Variants in TAF3 observed in about 807,000 individuals in gnomAD.
TAF3 encodes TATA-box binding protein associated factor 3.
Under a neutral mutation model 80.6 loss-of-function variants are expected in TAF3, and 7 were observed. That is an observed-to-expected ratio of 0.09 (90% confidence interval 0.05 to 0.16). The LOEUF is 0.16. Ranked by LOEUF, TAF3 falls within the 10% of genes least tolerant of loss-of-function variation. TAF3 has a pLI of 1.00. For missense variants in TAF3, 921 were observed against 1,140.2 expected (o/e 0.81, Z 2.77); for synonymous variants, 444 against 446.1 (o/e 1.00, Z 0.06).
intron 6 of TAF3, among the ~76,000 whole-genome samples, chr10:8,014,098 A>T (rs1279770923): frequency 6.8e-6 from 1 of 147,964 alleles, no homozygotes; most frequent in East Asian, 1.9e-4. Flanking sequence ...TAATACTAAA[A>T]GGAGATCCAG....
intron 2 of TAF3, among the ~76,000 whole-genome samples, chr10:7,902,817 A>G (rs1377986015): frequency 2.0e-5 from 3 of 152,014 alleles, no homozygotes; most frequent in Non-Finnish European, 2.9e-5. Context: ...TTGATTTTCT[A>G]TCACTTCTGT....
chr10:7,987,249 G>A (rs377193818), intron 4 of TAF3, among the ~76,000 whole-genome samples: 21 of 152,086 alleles, frequency 1.4e-4, no homozygotes, highest in Non-Finnish European at 2.5e-4. Context: ...CTGGGAAATC[G>A]AGGCTACAGT....
intron 2 of TAF3, among the ~76,000 whole-genome samples, chr10:7,930,163 C>T (rs112239493): frequency 0.011 from 1,675 of 152,224 alleles, 20 homozygotes; most frequent in Middle Eastern, 0.031. Flanking sequence ...TGTGGTACTG[C>T]GCTCCAACCT....
chr10:7,996,870 T>G (rs1311598331), intron 4 of TAF3, among the ~76,000 whole-genome samples: 2 of 150,362 alleles, frequency 1.3e-5, no homozygotes, highest in Non-Finnish European at 3.0e-5. Context: ...TATTTTTGTA[T>G]TTTTGTAGAG....
chr10:7,866,799 C>T (rs1251367815), intron 2 of TAF3, among the ~76,000 whole-genome samples: 1 of 152,134 alleles, frequency 6.6e-6, no homozygotes, highest in East Asian at 1.9e-4. Context: ...TTGGACGCAT[C>T]AGGTTAAATA....
At chr10:7,937,632 T>C (rs1249676399) in intron 2 of TAF3, among the ~76,000 whole-genome samples, 2 of 152,242 alleles carry the variant, frequency 1.3e-5, no homozygotes, top group Admixed American at 6.5e-5. Context: ...TCTCATAGTC[T>C]GTGGCTTGTC....
intron 2 of TAF3, among the ~76,000 whole-genome samples, chr10:7,865,131 G>C (rs1264031296): frequency 6.6e-6 from 1 of 152,052 alleles, no homozygotes; most frequent in East Asian, 1.9e-4. Flanking sequence ...GTGGGGCCTG[G>C]GGGTCAGGAG....
At chr10:7,858,827 T>TGC (rs1554777937) in intron 2 of TAF3, among the ~76,000 whole-genome samples, 5 of 149,328 alleles carry the variant, frequency 3.3e-5, no homozygotes, top group East Asian at 2.0e-4. Context: ...TGTGTGTGTG[T>TGC]GCGCGCGCCT....
intron 2 of TAF3, among the ~76,000 whole-genome samples, chr10:7,939,635 C>T (rs2131204862): frequency 6.6e-6 from 1 of 150,680 alleles, no homozygotes; most frequent in Non-Finnish European, 1.5e-5. Flanking sequence ...TACCTACACC[C>T]CTTCCAAGAG....
intron 2 of TAF3, among the ~76,000 whole-genome samples, chr10:7,961,410 T>C (rs1300933960): frequency 6.6e-6 from 1 of 152,226 alleles, no homozygotes; most frequent in Non-Finnish European, 1.5e-5. Flanking sequence ...TTTTGCAGCA[T>C]GGCTTCTGCT....
chr10:7,985,780 CTTTTTTTT>C (rs71477297), intron 4 of TAF3, among the ~76,000 whole-genome samples: 3 of 107,952 alleles, frequency 2.8e-5, no homozygotes, highest in Non-Finnish European at 5.7e-5. Context: ...TTCTCTCTCT[CTTTTTTTT>C]TTTTTTTTTT....
rs1200122845 is a variant in TAF3 at position 8,016,122 on chromosome 10, T to C, written c.*1371T>C. 2 of 152,212 alleles carry C rather than the reference T, an allele frequency of 1.3e-5. No homozygotes were observed. Among genetic ancestry groups the C allele is most frequent in the African/African-American group, 4.8e-5 (2 of 41,452 alleles). 9.4% of individuals were successfully genotyped at this position (152,212 alleles called of 1,614,324 possible). ...ATGTTAAAAAAACATCAAATTTAAC[T>C]TTATTAGCATATTTTAGCAACTTTG... is the stretch of plus-strand genomic sequence containing the variant. On this transcript the variant is annotated 3_prime_UTR_variant, in exon 7 of 7. Coordinates refer to ENST00000344293, the MANE Select transcript of TAF3 (RefSeq NM_031923.4).
chr10:7,960,218 C>A (rs753687745), intron 2 of TAF3, among the ~76,000 whole-genome samples: 21 of 152,184 alleles, frequency 1.4e-4, no homozygotes, highest in Non-Finnish European at 2.8e-4. Context: ...TCAGAATACC[C>A]TAAAGCTGTC....
At chr10:7,975,434 G>A (rs1242498436) in intron 3 of TAF3, among the ~76,000 whole-genome samples, 2 of 152,174 alleles carry the variant, frequency 1.3e-5, no homozygotes, top group East Asian at 1.9e-4. Context: ...TAAGCAAAAC[G>A]CGCATGGTCC....
chr10:7,830,446 C>T (rs1284297995), intron 2 of TAF3, among the ~76,000 whole-genome samples: 1 of 146,948 alleles, frequency 6.8e-6, no homozygotes, highest in South Asian at 2.2e-4. Context: ...GTTCTTCACA[C>T]ATGCACACCT....
At chr10:7,880,786 G>A (rs1837354333) in intron 2 of TAF3, among the ~76,000 whole-genome samples, 1 of 152,026 alleles carries the variant, frequency 6.6e-6, no homozygotes, top group African/African-American at 2.4e-5. Context: ...CATTTACATT[G>A]TAATTTGGCA....
intron 4 of TAF3, among the ~76,000 whole-genome samples, chr10:7,986,801 A>G (rs1337001737): frequency 6.6e-6 from 1 of 152,086 alleles, no homozygotes; most frequent in African/African-American, 2.4e-5. Context: ...GCTAAGAAAC[A>G]GGGGAAAAAA....
chr10:7,889,998 A>C (rs916590368), intron 2 of TAF3, among the ~76,000 whole-genome samples: 1 of 152,244 alleles, frequency 6.6e-6, no homozygotes, highest in Non-Finnish European at 1.5e-5. Flanking sequence ...GTTCTGAAAC[A>C]GAAATCTATT....
At chr10:8,007,563 T>TAC (rs1832007263) in intron 4 of TAF3, among the ~76,000 whole-genome samples, 1 of 792 alleles carries the variant, frequency 1.3e-3, no homozygotes, top group African/African-American at 2.3e-3. Context: ...TGTGTGAAAT[T>TAC]ATATATATAT....
Sources: allele counts gnomAD v4.1 joint callset (sites outside exome capture counted in the v4.1 genomes callset), GRCh38; gene constraint gnomAD v4.1.1; transcripts MANE v1.5; gene names NCBI Gene and HGNC (gene_info 2026-07-23, HGNC 2026-07-21).